DLG5: variants seen among roughly 807,000 people sequenced by gnomAD.
DLG5 encodes disks large homolog 5.
A neutral mutation model predicts 189.8 loss-of-function variants in DLG5; 48 were observed. The observed-to-expected ratio is 0.25, with a 90% CI of 0.20 to 0.32. The LOEUF (loss-of-function observed/expected upper bound fraction) is 0.32, where lower values mean the gene tolerates loss of function less well. Ranked by LOEUF, DLG5 falls within the 10% of genes least tolerant of loss-of-function variation. The pLI is 1.00. For synonymous variants in DLG5, 1,016 were observed against 1,054.1 expected (o/e 0.96, Z 0.70); for missense variants, 2,160 against 2,544.7 (o/e 0.85, Z 3.25).
At chr10:77,841,848 G>C (rs1464364362) in intron 7 of DLG5, 33 bp downstream of exon 7, 6 of 1,588,174 alleles carry the variant, frequency 3.8e-6, no homozygotes, top group Non-Finnish European at 5.1e-6. Flanking sequence ...CTGTAGGAGA[G>C]GCTGAAAGCC....
At position 77,819,986 on chromosome 10, in the gene DLG5, G is replaced by A. The variant is rs1165154681; in HGVS notation, c.3435C>T (p.Leu1145=). ...EQKCVPASGE[L]SPELQEWAPY... is the part of the protein sequence containing the mutation. ...GTGCCCACTCCTGGAGCTCCGGGGA[G>A]AGTTCTCCACTGGCCGGGACACACT... Residue 1145 remains leucine (L), a synonymous_variant, in exon 16 of 32, where the codon CTC becomes CTT. Coordinates refer to ENST00000372391, the MANE Select transcript of DLG5 (RefSeq NM_004747.4). The A allele has an allele frequency of 1.9e-6, 3 of 1,613,424 alleles. No homozygotes were observed. In the African/African-American group the frequency reaches 4.0e-5, roughly 22 times the overall value.
At chr10:77,868,996 AATC>A (rs1844796355) in intron 2 of DLG5, 130 bp downstream of exon 2, 1 of 730,078 alleles carries the variant, frequency 1.4e-6, no homozygotes, top group Non-Finnish European at 2.3e-6. Flanking sequence ...ATGTAAATGA[AATC>A]AACGGAAGGA....
chr10:77,830,228 A>C lies in DLG5; in HGVS notation c.1998T>G (p.Asp666Glu), dbSNP rs763495384. ...GCCTCAACTCTTACCTTAAGCGGCC[A>C]TCAGCAATGCTTCCTTTGTCCACTT... ...VTKVDKGSIA[D>E]GRLRVNDWLL... The change falls in exon 11 of 32, where the codon GAT (aspartate) becomes GAG (glutamate). Residue 666 changes from aspartate to glutamate, a missense_variant. Physicochemically the swap from Asp to Glu is conservative, Grantham distance 45. Coordinates refer to ENST00000372391, the MANE Select transcript of DLG5 (RefSeq NM_004747.4). 12 of 1,614,150 alleles carry C rather than the reference A, an allele frequency of 7.4e-6. No individual in the cohort carries two copies. In the East Asian group the frequency reaches 2.2e-4, roughly 30 times the overall value.
chr10:77,902,105 GTC>G (rs1227288784), intron 1 of DLG5, among the ~76,000 whole-genome samples: 3 of 152,298 alleles, frequency 2.0e-5, no homozygotes, highest in African/African-American at 7.2e-5. Flanking sequence ...GACAGGTGTG[GTC>G]TCTGTCTCCC....
chr10:77,854,199 A>G, intron 4 of DLG5, 28 bp downstream of exon 4: 1 of 1,611,418 alleles, frequency 6.2e-7, no homozygotes, highest in Non-Finnish European at 8.5e-7. Context: ...TGGGTGTTGG[A>G]GGCCCTGGCC....
intron 1 of DLG5, among the ~76,000 whole-genome samples, chr10:77,884,501 T>C (rs1149722): frequency 1.3e-5 from 2 of 151,658 alleles, no homozygotes; most frequent in African/African-American, 4.8e-5. Context: ...CGGAGCACAT[T>C]GTTTCTACAG....
At position 77,853,422 on chromosome 10, in the gene DLG5, C is replaced by T; in HGVS notation, c.796G>A (p.Glu266Lys). 1 of 1,609,410 alleles carries T rather than the reference C, an allele frequency of 6.2e-7. No individual in the cohort carries two copies. The highest frequency in any genetic ancestry group is 8.5e-7 in the Non-Finnish European group (1 of 1,177,892). Residue 266 changes from glutamate (E) to lysine (K), a missense_variant, in exon 5 of 32, where the codon GAG becomes AAG. This residue lies in a region of DLG5 where 664 missense variants were observed against 838.5 expected (regional missense o/e 0.79). Coordinates refer to ENST00000372391, the MANE Select transcript of DLG5 (RefSeq NM_004747.4). ...RERNLLQQSW[E>K]DMKRLHEEDQ... is the part of the protein sequence containing the mutation. ...TCCTCGTGGAGCCGCTTCATGTCCTCCCATGACTGCTGCAGCAGGTTTCGC... is the reference window on the plus strand; with the variant it reads ...TCCTCGTGGAGCCGCTTCATGTCCTTCCATGACTGCTGCAGCAGGTTTCGC...
In DLG5 at chr10:77,821,749, C is replaced by T; in HGVS notation, c.2735G>A (p.Gly912Asp). The T allele has an allele frequency of 6.2e-7, 1 of 1,608,716 alleles. No individual in the cohort carries two copies. Among genetic ancestry groups the T allele is most frequent in the Non-Finnish European group, 8.5e-7 (1 of 1,178,128 alleles). The change falls in exon 15 of 32, where the codon GGC (glycine) becomes GAC (aspartate). Residue 912 changes from glycine (G) to aspartate (D), a missense_variant. Gly to Asp is a moderately conservative substitution (Grantham distance 94). This residue lies in a region of DLG5 where 754 missense variants were observed against 746.5 expected (regional missense o/e 1.01). Transcript: ENST00000372391. ...DRGFGLVDVR[G>D]RRPLLPFETE... is the part of the protein sequence containing the mutation. ...CTCAAAGGGCAGCAGTGGCCGCCGG[C>T]CACGCACGTCCACCAGCCCAAAGCC... is the stretch of plus-strand genomic sequence containing the variant.
At chr10:77,868,553 C>A in intron 2 of DLG5, 1 of 259,284 alleles carries the variant, frequency 3.9e-6, no homozygotes, top group Non-Finnish European at 7.5e-6. Flanking sequence ...CCGGGACTCA[C>A]CACTGAAGGT....
At chr10:77,850,425 A>G (rs980110744) in intron 5 of DLG5, among the ~76,000 whole-genome samples, 7 of 152,160 alleles carry the variant, frequency 4.6e-5, no homozygotes, top group African/African-American at 1.7e-4. Context: ...GATAGATCAC[A>G]TTTTATTTAT....
At chr10:77,815,927 G>C in intron 20 of DLG5, 5 of 364,048 alleles carry the variant, frequency 1.4e-5, no homozygotes, top group Non-Finnish European at 2.2e-5. Flanking sequence ...CCATGGAGGA[G>C]GTGCCTCTGG....
chr10:77,844,924 A>G (rs1303863822), intron 5 of DLG5, among the ~76,000 whole-genome samples: 1 of 152,056 alleles, frequency 6.6e-6, no homozygotes, highest in Non-Finnish European at 1.5e-5. Flanking sequence ...TTCTAGAGAC[A>G]GAGAGGGGCA....
chr10:77,863,935 GAGAAGGAAGCAGGAC>G (rs1447034848), intron 2 of DLG5, among the ~76,000 whole-genome samples: 1 of 152,186 alleles, frequency 6.6e-6, no homozygotes, highest in Admixed American at 6.5e-5. Context: ...TGGAAGAGGA[GAGAAGGAAGCAGGAC>G]AGAAGGAAGG....
intron 5 of DLG5, 36 bp from the exon 6 acceptor site, chr10:77,843,742 T>C (rs2154576368): frequency 6.2e-7 from 1 of 1,611,928 alleles, no homozygotes; most frequent in South Asian, 1.1e-5. Flanking sequence ...CAAGGGTCTG[T>C]GGGAGGTGGC....
chr10:77,814,134 C>G (rs1378505130), intron 20 of DLG5, among the ~76,000 whole-genome samples: 1 of 151,928 alleles, frequency 6.6e-6, no homozygotes, highest in East Asian at 1.9e-4. Context: ...TACACCATCA[C>G]GCCCAGCTAA....
At chr10:77,903,401 C>A (rs1845986310) in intron 1 of DLG5, among the ~76,000 whole-genome samples, 1 of 151,146 alleles carries the variant, frequency 6.6e-6, no homozygotes, top group Non-Finnish European at 1.5e-5. Context: ...GCACTCCAGC[C>A]TGGGTGATAG....
intron 5 of DLG5, among the ~76,000 whole-genome samples, chr10:77,847,887 G>A (rs1405995869): frequency 1.3e-5 from 2 of 152,032 alleles, no homozygotes; most frequent in Non-Finnish European, 2.9e-5. Flanking sequence ...TTTATTTTTT[G>A]TAGAGATGGG....
intron 1 of DLG5, among the ~76,000 whole-genome samples, chr10:77,893,759 G>C (rs1006563607): frequency 1.3e-5 from 2 of 152,268 alleles, no homozygotes; most frequent in African/African-American, 4.8e-5. Context: ...CTAGAAGTCA[G>C]TGCAGACACC....
chr10:77,816,276 G>C (rs1447668048), intron 20 of DLG5: 4 of 670,244 alleles, frequency 6.0e-6, no homozygotes, highest in Non-Finnish European at 1.1e-5. Flanking sequence ...GCCCAGGAAG[G>C]TGTAAATGGT....
Sources: gnomAD v4.1 joint callset for allele counts (sites outside exome capture counted in the v4.1 genomes callset) on GRCh38, gnomAD v4.1.1 for gene constraint, gnomAD v4.1.1 regional missense constraint, MANE v1.5 for transcripts, NCBI Gene and HGNC (gene_info 2026-07-23, HGNC 2026-07-21) for gene names.